Variants in SIDT1 observed in about 807,000 individuals in gnomAD.
The protein encoded by SIDT1 is SID1 transmembrane family, member 1.
A neutral mutation model predicts 107.5 loss-of-function variants in SIDT1; 101 were observed. The observed-to-expected ratio is 0.94, with a 90% CI of 0.80 to 1.11. SIDT1 has a LOEUF of 1.11. Ranked by LOEUF, SIDT1 falls within the 50% of genes least tolerant of loss-of-function variation. The pLI, the probability that SIDT1 is intolerant of heterozygous loss-of-function variation, is 0.00. For missense variants in SIDT1, 1,076 were observed against 1,058.2 expected (o/e 1.02, Z -0.23); for synonymous variants, 395 against 398.2 (o/e 0.99, Z 0.10).
intron 1 of SIDT1, among the ~76,000 whole-genome samples, chr3:113,562,933 A>G (rs1452623637): frequency 6.6e-6 from 1 of 152,220 alleles, no homozygotes; most frequent in South Asian, 2.1e-4. Context: ...TTAGGTTGCT[A>G]TATGTGGTAG....
rs147501029 is a variant in SIDT1 at position 113,544,991 on chromosome 3, T to G, written c.222+11748T>G. On this transcript the variant is annotated intron_variant, in intron 1 of 24. Coordinates refer to ENST00000264852, the MANE Select transcript of SIDT1 (RefSeq NM_017699.3). ...TTAGCTGGGCGTGGTGGCGTGCACC[T>G]GTAATCCCAGCTACTCAGGAGGCTG... Among the ~76,000 whole-genome samples, 358 of 152,092 alleles carry G rather than the reference T, an allele frequency of 2.4e-3. 2 individuals are homozygous for G. Among genetic ancestry groups the G allele is most frequent in the African/African-American group, 8.1e-3 (338 of 41,488 alleles).
chr3:113,577,115 C>A (rs1043112852), intron 4 of SIDT1, 148 bp downstream of exon 4: 4 of 755,854 alleles, frequency 5.3e-6, no homozygotes, highest in Non-Finnish European at 6.9e-6. Context: ...CCACTTTATT[C>A]CTTGTGTTAC....
chr3:113,536,989 G>A (rs917941136), intron 1 of SIDT1, among the ~76,000 whole-genome samples: 4 of 152,204 alleles, frequency 2.6e-5, no homozygotes, highest in African/African-American at 9.7e-5. Context: ...GTTTGACTGG[G>A]ACAGAAGGCA....
intron 1 of SIDT1, among the ~76,000 whole-genome samples, chr3:113,548,313 T>C (rs1939827382): frequency 6.6e-6 from 1 of 152,176 alleles, no homozygotes; most frequent in Admixed American, 6.5e-5. Context: ...TACATAATGT[T>C]GTGTATCCAC....
intron 1 of SIDT1, among the ~76,000 whole-genome samples, chr3:113,566,218 C>A (rs1396448899): frequency 6.6e-6 from 1 of 151,974 alleles, no homozygotes; most frequent in African/African-American, 2.4e-5. Context: ...ACTCTGGTTA[C>A]AATATGAATG....
At chr3:113,615,458 G>A (rs965522612) in intron 19 of SIDT1, among the ~76,000 whole-genome samples, 2 of 152,240 alleles carry the variant, frequency 1.3e-5, no homozygotes, top group Admixed American at 6.5e-5. Context: ...GACCCTGACT[G>A]TTCATGTAAC....
At chr3:113,589,289 C>T (rs1463218907) in intron 9 of SIDT1, among the ~76,000 whole-genome samples, 1 of 152,148 alleles carries the variant, frequency 6.6e-6, no homozygotes, top group African/African-American at 2.4e-5. Context: ...TAGATACCAC[C>T]TGCCTTATCC....
intron 1 of SIDT1, among the ~76,000 whole-genome samples, chr3:113,548,201 G>A (rs760905542): frequency 2.0e-5 from 3 of 151,704 alleles, no homozygotes; most frequent in Non-Finnish European, 2.9e-5. Flanking sequence ...GCATTATTGT[G>A]GTACACTAAT....
intron 1 of SIDT1, among the ~76,000 whole-genome samples, chr3:113,548,964 C>A (rs917601833): frequency 6.6e-6 from 1 of 152,144 alleles, no homozygotes; most frequent in African/African-American, 2.4e-5. Flanking sequence ...TCAGGCCCAG[C>A]CAGGACCCTA....
At chr3:113,540,430 T>A (rs1560004945) in intron 1 of SIDT1, among the ~76,000 whole-genome samples, 1 of 152,314 alleles carries the variant, frequency 6.6e-6, no homozygotes, top group East Asian at 1.9e-4. Flanking sequence ...ATACTAACAT[T>A]ACTACCAACA....
chr3:113,580,792 C>A, intron 5 of SIDT1, 83 bp downstream of exon 5: 1 of 886,434 alleles, frequency 1.1e-6, no homozygotes, highest in Non-Finnish European at 1.9e-6. Context: ...TGGAAGCATG[C>A]CATCCTCTTA....
chr3:113,595,771 C>A (rs896225516), intron 10 of SIDT1, among the ~76,000 whole-genome samples: 1 of 152,064 alleles, frequency 6.6e-6, no homozygotes, highest in Non-Finnish European at 1.5e-5. Flanking sequence ...AATAAGGAAC[C>A]TTTGTAAGGT....
rs1560015855 is a variant in SIDT1 at position 113,547,243 on chromosome 3, AT to A, written c.222+14001del. Among the ~76,000 whole-genome samples the A allele has an allele frequency of 4.6e-5, 7 of 152,270 alleles. No individual in the cohort carries two copies. The South Asian group carries it at 1.4e-3, about 32-fold the overall frequency. On this transcript the variant is annotated intron_variant, in intron 1 of 24. Transcript: ENST00000264852. ...CCCCAGAAATACGTGCAATTTTTAC[AT>A]GTCAATTAAAAATAATAATAAAAGC...
At position 113,544,231 on chromosome 3, in the gene SIDT1, G is replaced by A. The variant is rs530037379; in HGVS notation, c.222+10988G>A. Among the ~76,000 whole-genome samples, 22 of 151,896 alleles carry A rather than the reference G, an allele frequency of 1.4e-4. 1 individual carries two copies. The highest frequency in any genetic ancestry group is 3.6e-4 in the African/African-American group (15 of 41,416). On this transcript the variant is annotated intron_variant, in intron 1 of 24. Transcript: ENST00000264852. ...TGTTTAAATGGAGTCTCCCTCTGTC[G>A]CCAGGATGGAGTGCAGTGGCATGAT... is the stretch of plus-strand genomic sequence containing the variant.
At chr3:113,579,190 G>A (rs1943141322) in intron 4 of SIDT1, among the ~76,000 whole-genome samples, 1 of 152,174 alleles carries the variant, frequency 6.6e-6, no homozygotes, top group Non-Finnish European at 1.5e-5. Context: ...ACTGCTTTGG[G>A]TATTTGTCGT....
At chr3:113,605,053 G>C (rs1945226765) in intron 14 of SIDT1, 77 bp downstream of exon 14, 1 of 1,480,250 alleles carries the variant, frequency 6.8e-7, no homozygotes, top group Non-Finnish European at 9.3e-7. Flanking sequence ...GACTGACAGA[G>C]AGAGGTACAA....
intron 7 of SIDT1, 87 bp from the exon 8 acceptor site, chr3:113,584,611 T>A: frequency 2.3e-6 from 2 of 863,184 alleles, no homozygotes; most frequent in South Asian, 3.0e-5. Context: ...TCTGGACATT[T>A]TTTGAACAAC....
chr3:113,623,192 TAAAAAAAAAA>T lies in SIDT1; in HGVS notation c.2091-215_2091-206del, dbSNP rs61454117. 5.9e-4 allele frequency among the ~76,000 whole-genome samples: 32 copies of T among 53,852 alleles called. 1 individual carries two copies. Among genetic ancestry groups the T allele is most frequent in the African/African-American group, 2.3e-3 (28 of 12,360 alleles). The allele number at this position is 53,852 out of a possible 152,430, so 35.3% of individuals were successfully genotyped here. ...AGTGAGGGAATGAGACCCCAACTCT[TAAAAAAAAAA>T]AAAAAAAAAAAAAAAAAAAGATACT... On this transcript the variant is annotated intron_variant, in intron 21 of 24. Coordinates refer to ENST00000264852, the MANE Select transcript of SIDT1 (RefSeq NM_017699.3).
intron 19 of SIDT1, 159 bp downstream of exon 19, chr3:113,612,353 T>C (rs1454005119): frequency 5.8e-6 from 4 of 685,850 alleles, no homozygotes; most frequent in Non-Finnish European, 1.1e-5. Flanking sequence ...CTCCAAGAGC[T>C]TCCTCTCCCT....
Sources: gnomAD v4.1 joint callset for allele counts (sites outside exome capture counted in the v4.1 genomes callset) on GRCh38, gnomAD v4.1.1 for gene constraint, MANE v1.5 for transcripts, NCBI Gene and HGNC (gene_info 2026-07-23, HGNC 2026-07-21) for gene names.